The following ACBD6 variants were observed in gnomAD, a reference collection of about 807,000 sequenced individuals.
ACBD6 encodes acyl-CoA-binding domain-containing protein 6.
ACBD6 carries 28 observed loss-of-function variants against 37.2 expected under a neutral mutation model. That is an observed-to-expected ratio of 0.75 (90% CI 0.56 to 1.03). The LOEUF (loss-of-function observed/expected upper bound fraction) is 1.03. Ranked by LOEUF, ACBD6 falls within the 50% of genes least tolerant of loss-of-function variation. The probability of loss-of-function intolerance (pLI) is 0.00; values close to 1 mark genes in which losing one functional copy is unlikely to be tolerated. For synonymous variants in ACBD6, 113 were observed against 126.8 expected (o/e 0.89, Z 0.73); for missense variants, 340 against 337.4 (o/e 1.01, Z -0.06).
intron 5 of ACBD6, 109 bp downstream of exon 5, chr1:180,413,257 A>T: frequency 1.2e-6 from 1 of 807,628 alleles, no homozygotes; most frequent in Non-Finnish European, 2.2e-6. Flanking sequence ...ATATACTCTT[A>T]ACCATACTGT....
chr1:180,381,019 G>T (rs1653625794), intron 6 of ACBD6, among the ~76,000 whole-genome samples: 1 of 152,078 alleles, frequency 6.6e-6, no homozygotes, highest in South Asian at 2.1e-4. Flanking sequence ...ATGAGAGGAT[G>T]AAAAAGATAT....
intron 3 of ACBD6, among the ~76,000 whole-genome samples, chr1:180,442,832 A>G (rs1453863630): frequency 6.6e-6 from 1 of 151,920 alleles, no homozygotes; most frequent in Non-Finnish European, 1.5e-5. Flanking sequence ...TGCATCTTCC[A>G]TCTCTCTACA....
chr1:180,272,942 A>G (rs1648773040), intron 12 of ACBD6: 1 of 152,228 alleles, frequency 6.6e-6, no homozygotes, highest in Non-Finnish European at 1.5e-5. Flanking sequence ...GCTCCCGCAG[A>G]GGGCCCTGGT....
chr1:180,456,198 C>T (rs923866789), intron 3 of ACBD6, among the ~76,000 whole-genome samples: 12 of 134,324 alleles, frequency 8.9e-5, no homozygotes, highest in East Asian at 4.2e-4. Flanking sequence ...GGCAACAGAG[C>T]GAGACACCAT....
intron 3 of ACBD6, among the ~76,000 whole-genome samples, chr1:180,475,669 G>C (rs1650750958): frequency 6.6e-6 from 1 of 152,158 alleles, no homozygotes; most frequent in Non-Finnish European, 1.5e-5. Flanking sequence ...ACAGGCATGA[G>C]CCACCATGTT....
intron 6 of ACBD6, among the ~76,000 whole-genome samples, chr1:180,363,732 G>A (rs1044077088): frequency 2.6e-5 from 4 of 151,934 alleles, no homozygotes; most frequent in African/African-American, 9.7e-5. Context: ...GAGCATGCTT[G>A]TGCACATTAA....
At chr1:180,415,883 T>C (rs1648071888) in intron 4 of ACBD6, among the ~76,000 whole-genome samples, 1 of 152,008 alleles carries the variant, frequency 6.6e-6, no homozygotes, top group Admixed American at 6.5e-5. Context: ...TATCAACTAG[T>C]TTTTTTTGCT....
chr1:180,485,263 G>C (rs1651217383), intron 3 of ACBD6, among the ~76,000 whole-genome samples: 1 of 152,068 alleles, frequency 6.6e-6, no homozygotes, highest in African/African-American at 2.4e-5. Flanking sequence ...CAATTCCAGG[G>C]ATAGGGCAGG....
At chr1:180,442,189 C>T (rs1490575199) in intron 3 of ACBD6, among the ~76,000 whole-genome samples, 1 of 152,114 alleles carries the variant, frequency 6.6e-6, no homozygotes, top group Non-Finnish European at 1.5e-5. Context: ...TGGCTTTCAA[C>T]AATTTGTTAT....
intron 3 of ACBD6, among the ~76,000 whole-genome samples, chr1:180,444,688 C>T (rs1424832419): frequency 6.6e-6 from 1 of 151,300 alleles, no homozygotes; most frequent in African/African-American, 2.4e-5. Context: ...ACTCAAAATC[C>T]ATTAAGTCAC....
At chr1:180,359,620 C>T (rs12034217) in intron 6 of ACBD6, among the ~76,000 whole-genome samples, 74,478 of 152,004 alleles carry the variant, frequency 0.49, 20,876 homozygotes, top group South Asian at 0.66. Flanking sequence ...AGAAGATATA[C>T]ATGTACTCAT....
intron 5 of ACBD6, among the ~76,000 whole-genome samples, chr1:180,410,658 C>T (rs1647816931): frequency 6.7e-6 from 1 of 148,802 alleles, no homozygotes; most frequent in Non-Finnish European, 1.5e-5. Context: ...ATACCCACTG[C>T]TCAGGAAAAA....
At chr1:180,377,190 A>C (rs760720574) in intron 6 of ACBD6, among the ~76,000 whole-genome samples, 5 of 152,200 alleles carry the variant, frequency 3.3e-5, no homozygotes, top group Non-Finnish European at 5.9e-5. Flanking sequence ...GGAAAGGCTA[A>C]ACTAAACCCT....
chr1:180,452,830 C>T (rs1649766442), intron 3 of ACBD6, among the ~76,000 whole-genome samples: 6 of 152,146 alleles, frequency 3.9e-5, no homozygotes, highest in Admixed American at 3.9e-4. Flanking sequence ...TGGATAAATT[C>T]CTGGACGCAT....
rs183516403 is a variant in ACBD6 at position 180,365,541 on chromosome 1, A to C, written c.663+31975T>G. ...TCAACATCCTTTTTGAAATACAAAA[A>C]TCTAAGCTTTATGTTTTATATTAAT... On this transcript the variant is annotated intron_variant, in intron 6 of 7. Coordinates refer to ENST00000367595, the MANE Select transcript of ACBD6 (RefSeq NM_032360.4). 3.0e-3 allele frequency among the ~76,000 whole-genome samples: 454 copies of C among 152,304 alleles called. 1 individual carries two copies. The highest frequency in any genetic ancestry group is 4.7e-3 in the Non-Finnish European group (320 of 68,010).
At chr1:180,380,879 C>A (rs1653617470) in intron 6 of ACBD6, among the ~76,000 whole-genome samples, 1 of 152,080 alleles carries the variant, frequency 6.6e-6, no homozygotes, top group South Asian at 2.1e-4. Flanking sequence ...TCAATAATAA[C>A]CTTAAATGTG....
intron 6 of ACBD6, among the ~76,000 whole-genome samples, chr1:180,387,156 C>G (rs191526363): frequency 2.0e-5 from 3 of 152,270 alleles, no homozygotes; most frequent in African/African-American, 7.2e-5. Flanking sequence ...ACTTAGAGGT[C>G]AATGTGAAAA....
chr1:180,272,112 T>A, intron 13 of ACBD6: 1 of 998,006 alleles, frequency 1.0e-6, no homozygotes, highest in Non-Finnish European at 1.5e-6. Context: ...GGCAACTCCC[T>A]CCTGAACACA....
intron 3 of ACBD6, among the ~76,000 whole-genome samples, chr1:180,485,546 T>C (rs1396785346): frequency 6.6e-6 from 1 of 152,100 alleles, no homozygotes; most frequent in Non-Finnish European, 1.5e-5. Context: ...CTGCCACAAG[T>C]CAAACAATGC....
Sources: allele counts gnomAD v4.1 joint callset (sites outside exome capture counted in the v4.1 genomes callset), GRCh38; gene constraint gnomAD v4.1.1; transcripts MANE v1.5; gene names NCBI Gene and HGNC (gene_info 2026-07-23, HGNC 2026-07-21).